ZC3H11A: variants seen among roughly 807,000 people sequenced by gnomAD.
ZC3H11A encodes zinc finger CCCH domain-containing protein 11A.
ZC3H11A carries 22 observed loss-of-function variants against 90.8 expected under a neutral mutation model. That is an observed-to-expected ratio of 0.24 (90% CI 0.17 to 0.35). The LOEUF (loss-of-function observed/expected upper bound fraction) is 0.35, where lower values mean the gene tolerates loss of function less well. ZC3H11A is among the 10% of genes least tolerant of loss of function. The pLI, the probability that ZC3H11A is intolerant of heterozygous loss-of-function variation, is 1.00. For missense variants in ZC3H11A, 701 were observed against 964.9 expected, an observed-to-expected ratio of 0.73 and a Z score of 3.62; for synonymous variants, 294 against 339.8, an observed-to-expected ratio of 0.87 and a Z score of 1.48.
intron 1 of ZC3H11A, chr1:203,798,494 C>G (rs1558087010): frequency 6.5e-7 from 1 of 1,536,110 alleles, no homozygotes; most frequent in East Asian, 2.4e-5. Flanking sequence ...CCAACAAAGA[C>G]AGTGGTGCTG....
chr1:203,809,145 T>C (rs1673396722), intron 2 of ZC3H11A, among the ~76,000 whole-genome samples: 1 of 151,024 alleles, frequency 6.6e-6, no homozygotes, highest in East Asian at 2.0e-4. Context: ...TTTCTTATTA[T>C]TTTTGAAGCT....
In ZC3H11A at chr1:203,829,802, T is replaced by A; in HGVS notation, c.525T>A (p.Asp175Glu). ...DDDDQFSEEG[D>E]ETKTPTLQPT... The stretch of plus-strand genomic sequence containing the variant: ...TAGATCAGTTTTCTGAGGAAGGTGA[T>A]GAAACCAAAACACCTACCCTGCAAC... The change falls in exon 7 of 18, where the codon GAT becomes GAA. Residue 175 changes from aspartate to glutamate, a missense_variant. This residue lies in a region of ZC3H11A where 530 missense variants were observed against 696.2 expected (regional missense o/e 0.76). Coordinates refer to ENST00000367210, the MANE Select transcript of ZC3H11A (RefSeq NM_001376342.1). 6.2e-7 allele frequency: 1 copy of A among 1,614,098 alleles called. No homozygotes were observed. The highest frequency in any genetic ancestry group is 8.5e-7 in the Non-Finnish European group (1 of 1,179,974).
Position 203,837,971 on chromosome 1 carries a change from G to A in ZC3H11A, c.880G>A (p.Asp294Asn). The A allele has an allele frequency of 1.2e-6, 2 of 1,612,636 alleles. No individual in the cohort carries two copies. The highest frequency in any genetic ancestry group is 1.7e-6 in the Non-Finnish European group (2 of 1,179,632). ...TAAGTTCTCCCTCTTTATAGGCGGTGACAGTGATCCTCCATTAAAGCGTAG... is the reference window on the plus strand; with the variant it reads ...TAAGTTCTCCCTCTTTATAGGCGGTAACAGTGATCCTCCATTAAAGCGTAG... The part of the protein sequence containing the change: ...LGKRKFSAGG[D>N]SDPPLKRSLA... The change falls in exon 11 of 18, where the codon GAC (aspartate) becomes AAC (asparagine). Residue 294 changes from aspartate (D) to asparagine (N), a missense_variant. Asp to Asn is a conservative substitution (Grantham distance 23, BLOSUM62 1). Coordinates refer to ENST00000367210, the MANE Select transcript of ZC3H11A (RefSeq NM_001376342.1).
At chr1:203,800,597 C>T in intron 1 of ZC3H11A, 1 of 698,638 alleles carries the variant, frequency 1.4e-6, no homozygotes, top group Non-Finnish European at 2.1e-6. Context: ...CTGAAAATTC[C>T]TCAGAGGCAA....
intron 13 of ZC3H11A, among the ~76,000 whole-genome samples, chr1:203,848,079 C>T (rs556755061): frequency 9.2e-5 from 14 of 152,158 alleles, no homozygotes; most frequent in Non-Finnish European, 1.6e-4. Context: ...TGGTCTCAAA[C>T]TCCTCACCTC....
intron 2 of ZC3H11A, chr1:203,805,687 G>A: frequency 3.0e-6 from 2 of 671,736 alleles, no homozygotes; most frequent in Admixed American, 1.8e-5. Context: ...TGTGACAGTG[G>A]GAACACCTTC....
intron 12 of ZC3H11A, among the ~76,000 whole-genome samples, chr1:203,841,693 C>T (rs1686267623): frequency 6.6e-6 from 1 of 152,184 alleles, no homozygotes; most frequent in African/African-American, 2.4e-5. Context: ...GGGGTGGTGG[C>T]TGGGCAGAGG....
chr1:203,848,266 A>T, intron 13 of ZC3H11A, 65 bp from the exon 14 acceptor site: 1 of 1,359,342 alleles, frequency 7.4e-7, no homozygotes, highest in South Asian at 1.2e-5. Flanking sequence ...AGTTTTGTTT[A>T]ACATATCTAT....
intron 11 of ZC3H11A, among the ~76,000 whole-genome samples, chr1:203,838,476 CTG>C (rs1284733050): frequency 1.3e-5 from 2 of 152,186 alleles, no homozygotes; most frequent in South Asian, 2.1e-4. Flanking sequence ...GAGCCAGAGA[CTG>C]TGTCTCAGGC....
intron 4 of ZC3H11A, among the ~76,000 whole-genome samples, chr1:203,822,517 G>A (rs974886795): frequency 5.9e-5 from 9 of 152,148 alleles, no homozygotes; most frequent in African/African-American, 2.2e-4. Context: ...GTGAGATGCT[G>A]TCCTGACCCT....
At chr1:203,824,420 G>C (rs1276076743) in intron 4 of ZC3H11A, among the ~76,000 whole-genome samples, 1 of 152,056 alleles carries the variant, frequency 6.6e-6, no homozygotes, top group African/African-American at 2.4e-5. Context: ...TTTTTATCAT[G>C]TACCCCTTCT....
chr1:203,820,078 T>C (rs2102843400), intron 4 of ZC3H11A, among the ~76,000 whole-genome samples: 2 of 151,516 alleles, frequency 1.3e-5, no homozygotes, highest in South Asian at 2.1e-4. Context: ...CTACTAAAAA[T>C]ATAAAAATTA....
At chr1:203,812,778 C>A (rs1404624110) in intron 2 of ZC3H11A, among the ~76,000 whole-genome samples, 1 of 152,090 alleles carries the variant, frequency 6.6e-6, no homozygotes, top group East Asian at 1.9e-4. Context: ...GATGGGGTCT[C>A]ACCATGTTTG....
Position 203,816,989 on chromosome 1 carries a change from G to C in ZC3H11A, c.-82G>C. ...ATTTGGAAGATTAAACCCATTTCAC[G>C]AGGACTTGGAGCCTGGTCCTTGCTT... is the stretch of plus-strand genomic sequence containing the variant. On this transcript the variant is annotated 5_prime_UTR_variant, in exon 3 of 18. Coordinates refer to ENST00000367210, the MANE Select transcript of ZC3H11A (RefSeq NM_001376342.1). 1.1e-6 allele frequency: 1 copy of C among 934,322 alleles called. No homozygotes were observed. 57.9% of individuals were successfully genotyped at this position (934,322 alleles called of 1,614,324 possible). A position where few individuals can be genotyped will look rare whatever the true frequency, so the allele number is the denominator to read the frequency against.
chr1:203,847,845 C>T (rs898675879), intron 13 of ZC3H11A, among the ~76,000 whole-genome samples, 158 bp downstream of exon 13: 1 of 151,980 alleles, frequency 6.6e-6, no homozygotes, highest in East Asian at 1.9e-4. Context: ...GCTATGTAGA[C>T]CTATGCTATT....
intron 15 of ZC3H11A, 47 bp from the exon 16 acceptor site, chr1:203,850,468 A>G: frequency 1.9e-6 from 3 of 1,605,608 alleles, no homozygotes; most frequent in Non-Finnish European, 2.6e-6. Context: ...TCCCCATTTA[A>G]AAGAGTCTAT....
intron 15 of ZC3H11A, 124 bp downstream of exon 15, chr1:203,850,150 A>G (rs1688922082): frequency 1.2e-6 from 1 of 806,780 alleles, no homozygotes; most frequent in African/African-American, 1.8e-5. Context: ...CCACAGGTAG[A>G]TAGTAATATT....
intron 15 of ZC3H11A, 115 bp downstream of exon 15, chr1:203,850,141 C>T (rs1688919456): frequency 2.3e-6 from 2 of 857,104 alleles, no homozygotes; most frequent in Non-Finnish European, 1.8e-6. Context: ...GCCTTCTATC[C>T]ACAGGTAGAT....
chr1:203,835,211 T>G (rs891088185), intron 10 of ZC3H11A, among the ~76,000 whole-genome samples: 1 of 152,214 alleles, frequency 6.6e-6, no homozygotes, highest in Non-Finnish European at 1.5e-5. Flanking sequence ...TGAATGAAAT[T>G]AATATTTGCT....
Sources: allele counts gnomAD v4.1 joint callset (sites outside exome capture counted in the v4.1 genomes callset), GRCh38; gene constraint gnomAD v4.1.1; regional missense constraint gnomAD v4.1.1; transcripts MANE v1.5; gene names NCBI Gene and HGNC (gene_info 2026-07-23, HGNC 2026-07-21).